CDH22: variants seen among roughly 807,000 people sequenced by gnomAD.
CDH22 encodes cadherin-22.
Under a neutral mutation model 58.4 loss-of-function variants are expected in CDH22, and 30 were observed. That is an observed-to-expected ratio of 0.51 (90% CI 0.38 to 0.70). The LOEUF is 0.70. Ranked by LOEUF, CDH22 falls within the 30% of genes least tolerant of loss-of-function variation. The pLI, the probability that CDH22 is intolerant of heterozygous loss-of-function variation, is 0.00. For synonymous variants in CDH22, 513 were observed against 558.2 expected (o/e 0.92, Z 1.14); for missense variants, 1,014 against 1,233.9 (o/e 0.82, Z 2.67).
In CDH22 at chr20:46,186,909, G is replaced by A. The variant is rs1475886828; in HGVS notation, c.1462C>T (p.Arg488Ter). The A allele has an allele frequency of 3.7e-6, 6 of 1,610,032 alleles. No individual in the cohort carries two copies. The highest frequency in any genetic ancestry group is 1.7e-5 in the Admixed American group (1 of 59,626). The change falls in exon 9 of 12, where the codon CGA becomes TGA. Residue 488 changes from arginine (R) to a stop codon, truncating the protein, a stop_gained. Coordinates refer to ENST00000537909, the MANE Select transcript of CDH22 (RefSeq NM_021248.3). LOFTEE classifies it high-confidence loss of function. ...GGATTGTCGTTCACATCCAGGATTCGGATCCTTAGGGATGCCCGGGATAGC... is the reference window on the plus strand; with the variant it reads ...GGATTGTCGTTCACATCCAGGATTCAGATCCTTAGGGATGCCCGGGATAGC... ...AQLSRASLRI[R>*]ILDVNDNPPE... is the part of the protein sequence containing the mutation.
Position 46,174,681 on chromosome 20 carries a change from T to C in CDH22, c.2312A>G (p.Gln771Arg), listed in dbSNP as rs765088984. Residue 771 changes from glutamine to arginine, a missense_variant, in exon 12 of 12, where the codon CAG becomes CGG. This residue lies in a region of CDH22 where 208 missense variants were observed against 195.2 expected (regional missense o/e 1.07). Coordinates refer to ENST00000537909, the MANE Select transcript of CDH22 (RefSeq NM_021248.3). This position sits in a 1 kb window ranked among gnomAD's most constrained non-coding sequence, Gnocchi z 4.4. Reference sequence around the variant, plus strand: ...GTCCGCGCCCTCGAAGGCGTAGGTCTGGAAGGCGTCGTAGGGCGGCACCGA... The same window carrying C: ...GTCCGCGCCCTCGAAGGCGTAGGTCCGGAAGGCGTCGTAGGGCGGCACCGA... Reference protein sequence around the residue: ...DLSVPPYDAFQTYAFEGADSP... With the variant: ...DLSVPPYDAFRTYAFEGADSP... 176 of 1,560,696 alleles carry C rather than the reference T, an allele frequency of 1.1e-4. No individual in the cohort carries two copies. Among genetic ancestry groups the C allele is most frequent in the Non-Finnish European group, 1.4e-4 (167 of 1,160,748 alleles).
intron 4 of CDH22, among the ~76,000 whole-genome samples, chr20:46,224,059 G>A (rs987314697): frequency 2.0e-5 from 3 of 152,032 alleles, no homozygotes; most frequent in Admixed American, 6.5e-5. Flanking sequence ...CACCATGTTG[G>A]CCAGGCTGGT....
chr20:46,286,221 C>T (rs942113859), intron 1 of CDH22, among the ~76,000 whole-genome samples: 2 of 152,088 alleles, frequency 1.3e-5, no homozygotes, highest in Non-Finnish European at 2.9e-5. Flanking sequence ...GATGAGGAAA[C>T]GGGGGCTCAG....
chr20:46,221,926 G>A (rs367721963), intron 4 of CDH22, among the ~76,000 whole-genome samples: 4 of 152,256 alleles, frequency 2.6e-5, no homozygotes, highest in African/African-American at 4.8e-5. Flanking sequence ...CAGTCTTGCC[G>A]AGGGCCTACT....
At position 46,174,979 on chromosome 20, in the gene CDH22, C is replaced by T; in HGVS notation, c.2014G>A (p.Asp672Asn). Reference sequence around the variant, plus strand: ...GTGTCCTGCTCGCCGCCGCCTTCGTCGTTGTATTTGATGACGTTGTCCCGC... The same window carrying T: ...GTGTCCTGCTCGCCGCCGCCTTCGTTGTTGTATTTGATGACGTTGTCCCGC... ...DMRDNVIKYNDEGGGEQDTEA... is the reference protein window; with the variant it reads ...DMRDNVIKYNNEGGGEQDTEA... The change falls in exon 12 of 12, where the codon GAC (aspartate) becomes AAC (asparagine). Residue 672 changes from aspartate (D) to asparagine (N), a missense_variant. This residue lies in a region of CDH22 where 806 missense variants were observed against 1,038.7 expected (regional missense o/e 0.78). Coordinates refer to ENST00000537909, the MANE Select transcript of CDH22 (RefSeq NM_021248.3). This position sits in a 1 kb window ranked among gnomAD's most constrained non-coding sequence, Gnocchi z 4.4. 6.2e-7 allele frequency: 1 copy of T among 1,606,482 alleles called. No homozygotes were observed. The highest frequency in any genetic ancestry group is 8.5e-7 in the Non-Finnish European group (1 of 1,179,482).
rs1399172036 is a variant in CDH22, at chr20:46,241,446, C to T, written c.256-189G>A. Reference sequence around the variant, plus strand: ...CCTGGCCTGGAGTCTTTCCTCAGCCCGCTGGGGCCCTCCCTGCCCCTGGAC... The same window carrying T: ...CCTGGCCTGGAGTCTTTCCTCAGCCTGCTGGGGCCCTCCCTGCCCCTGGAC... On this transcript the variant is annotated intron_variant, in intron 2 of 11. Transcript: ENST00000537909. The surrounding 1 kb of genome is among the most constrained non-coding windows in gnomAD (Gnocchi z 5.2). 4.6e-5 allele frequency among the ~76,000 whole-genome samples: 7 copies of T among 152,318 alleles called. No individual in the cohort carries two copies. The highest frequency in any genetic ancestry group is 7.2e-5 in the African/African-American group (3 of 41,570).
intron 2 of CDH22, among the ~76,000 whole-genome samples, chr20:46,248,510 C>T (rs1287180800): frequency 2.0e-4 from 31 of 152,140 alleles, no homozygotes. Context: ...TTCTCTTTCT[C>T]TTTTGGGGGC....
intron 1 of CDH22, among the ~76,000 whole-genome samples, chr20:46,282,704 C>T (rs530551354): frequency 5.3e-5 from 8 of 152,144 alleles, no homozygotes; most frequent in East Asian, 1.9e-4. Context: ...AAGATGTTCC[C>T]GTCGTCTTCT....
chr20:46,208,963 G>A (rs563159924), intron 7 of CDH22, among the ~76,000 whole-genome samples: 17 of 152,360 alleles, frequency 1.1e-4, no homozygotes, highest in African/African-American at 4.1e-4. Flanking sequence ...CCTGGGCTAG[G>A]CCCTATGGGT....
chr20:46,245,489 AC>A (rs1386828891), intron 2 of CDH22, among the ~76,000 whole-genome samples: 1 of 152,078 alleles, frequency 6.6e-6, no homozygotes, highest in African/African-American at 2.4e-5. Context: ...CACACTAGGT[AC>A]CCTGACAATG....
chr20:46,218,547 C>G (rs1428920488), intron 4 of CDH22, among the ~76,000 whole-genome samples: 2 of 152,174 alleles, frequency 1.3e-5, no homozygotes, highest in African/African-American at 4.8e-5. Flanking sequence ...GACATAAGAA[C>G]ACATACAAAG....
chr20:46,276,224 T>G (rs1477481352), intron 1 of CDH22, among the ~76,000 whole-genome samples: 1 of 152,142 alleles, frequency 6.6e-6, no homozygotes, highest in Non-Finnish European at 1.5e-5. Flanking sequence ...TGACTGAATC[T>G]CTGCAGAGCC....
intron 1 of CDH22, among the ~76,000 whole-genome samples, chr20:46,268,417 T>C (rs1433725851): frequency 6.6e-6 from 1 of 152,244 alleles, no homozygotes; most frequent in Non-Finnish European, 1.5e-5. Context: ...CACTGAAAAT[T>C]CCGCTTTCAT....
chr20:46,237,187 A>G (rs2086259187), intron 3 of CDH22, among the ~76,000 whole-genome samples: 1 of 152,162 alleles, frequency 6.6e-6, no homozygotes, highest in African/African-American at 2.4e-5. Context: ...TGGGGTCCAG[A>G]GGGGGCAGGA....
At chr20:46,261,568 C>T (rs962600695) in intron 1 of CDH22, among the ~76,000 whole-genome samples, 11 of 152,096 alleles carry the variant, frequency 7.2e-5, no homozygotes, top group Non-Finnish European at 1.0e-4. Context: ...TCACTTCTCC[C>T]GGCACACCTG....
At chr20:46,257,173 C>G (rs1336214401) in intron 1 of CDH22, among the ~76,000 whole-genome samples, 1 of 148,372 alleles carries the variant, frequency 6.7e-6, no homozygotes, top group African/African-American at 2.5e-5. Context: ...GCTGGGTGTG[C>G]TGGCATGTGC....
intron 1 of CDH22, among the ~76,000 whole-genome samples, chr20:46,301,967 T>A (rs963789391): frequency 4.6e-5 from 7 of 152,208 alleles, no homozygotes; most frequent in African/African-American, 1.7e-4. Flanking sequence ...AGCGGGTGCA[T>A]CCTTCTCTCC....
chr20:46,228,798 G>A (rs1358370346), intron 3 of CDH22, among the ~76,000 whole-genome samples: 3 of 152,188 alleles, frequency 2.0e-5, no homozygotes, highest in Admixed American at 2.0e-4. Flanking sequence ...GGGCCAGCAG[G>A]GCTGCATGCT....
At chr20:46,271,369 T>C (rs970794318) in intron 1 of CDH22, among the ~76,000 whole-genome samples, 7 of 152,220 alleles carry the variant, frequency 4.6e-5, no homozygotes, top group Non-Finnish European at 7.3e-5. Context: ...TCCTGCCTTA[T>C]TACCTTCAGC....
Sources: allele counts gnomAD v4.1 joint callset (sites outside exome capture counted in the v4.1 genomes callset), GRCh38; gene constraint gnomAD v4.1.1; regional missense constraint gnomAD v4.1.1; non-coding constraint Gnocchi (gnomAD v3.1); transcripts MANE v1.5; gene names NCBI Gene and HGNC (gene_info 2026-07-23, HGNC 2026-07-21).